The following THAP10 variants were observed in gnomAD, a reference collection of about 807,000 sequenced individuals.
THAP10 encodes the protein THAP domain-containing protein 10.
In THAP10, 10 loss-of-function variants were observed where a neutral mutation model predicts 15.7. The observed-to-expected ratio is 0.64, with a 90% CI of 0.39 to 1.08. THAP10 has a LOEUF of 1.08. Ranked by LOEUF, THAP10 falls within the 50% of genes least tolerant of loss-of-function variation. The pLI is 0.01. For synonymous variants in THAP10, 127 were observed against 129.1 expected (o/e 0.98, Z 0.11); for missense variants, 310 against 330.9 (o/e 0.94, Z 0.49).
At chr15:70,889,889 G>T (rs566359246) in intron 1 of THAP10, among the ~76,000 whole-genome samples, 13 of 152,284 alleles carry the variant, frequency 8.5e-5, no homozygotes, top group African/African-American at 3.1e-4. Flanking sequence ...TGTGGTTAGG[G>T]TTCTTTATCC....
At chr15:70,886,674 TG>T (rs2033415692) in intron 1 of THAP10, among the ~76,000 whole-genome samples, 1 of 151,910 alleles carries the variant, frequency 6.6e-6, no homozygotes, top group African/African-American at 2.4e-5. Flanking sequence ...AAGACCAGCC[TG>T]GCCAAGATGG....
chr15:70,886,632 C>T (rs2033414485), intron 1 of THAP10, among the ~76,000 whole-genome samples: 1 of 152,108 alleles, frequency 6.6e-6, no homozygotes, highest in African/African-American at 2.4e-5. Context: ...CTTTGGGAGG[C>T]TAAGGCAGGT....
rs184126693 is a variant in THAP10 at position 70,892,308 on chromosome 15, T to C, written c.-36A>G. ...TTCGGTGCGCGGGAGCCGGGTTCCC[T>C]GGACCTTCGCCCTTGGGCACGCTCC... is the stretch of plus-strand genomic sequence containing the variant. On this transcript the variant is annotated 5_prime_UTR_variant, in exon 1 of 3. Transcript: ENST00000249861. The C allele has an allele frequency of 4.0e-3, 6,253 of 1,550,838 alleles. 21 individuals are homozygous for C. Among genetic ancestry groups the C allele is most frequent in the Non-Finnish European group, 4.9e-3 (5,592 of 1,147,258 alleles).
Sources: allele counts gnomAD v4.1 joint callset (sites outside exome capture counted in the v4.1 genomes callset), GRCh38; gene constraint gnomAD v4.1.1; transcripts MANE v1.5; gene names NCBI Gene and HGNC (gene_info 2026-07-23, HGNC 2026-07-21).